The following ZDHHC15 variants were observed in gnomAD, a reference collection of about 807,000 sequenced individuals.
The protein encoded by ZDHHC15 is palmitoyltransferase ZDHHC15.
A neutral mutation model predicts 31.7 loss-of-function variants in ZDHHC15; 19 were observed. The ratio of observed to expected loss-of-function variants is 0.60; its 90% CI spans 0.42 to 0.88. ZDHHC15 has a LOEUF of 0.88. Among genes scored for constraint, ZDHHC15 ranks in the 40% least tolerant of loss-of-function variants. The pLI is 0.00. For synonymous variants in ZDHHC15, 103 were observed against 90.0 expected, an observed-to-expected ratio of 1.14 and a Z score of -0.82; for missense variants, 209 against 251.2, an observed-to-expected ratio of 0.83 and a Z score of 1.14.
At chrX:75,518,891 A>G (rs1331425811) in intron 1 of ZDHHC15, among the ~76,000 whole-genome samples, 1 of 101,518 alleles carries the variant, frequency 9.9e-6, no homozygotes, top group African/African-American at 3.6e-5. Context: ...TTACTGTTAC[A>G]TAATATAATG....
chrX:75,441,744 C>T (rs2083944286), intron 4 of ZDHHC15, among the ~76,000 whole-genome samples: 2 of 109,155 alleles, frequency 1.8e-5, no homozygotes, highest in East Asian at 5.8e-4. Context: ...CTGCCTTAGC[C>T]CCCCGAGTAG....
chrX:75,518,796 TATATATATATACACAC>T (rs1385446839), intron 1 of ZDHHC15, among the ~76,000 whole-genome samples: 17 of 26,815 alleles, frequency 6.3e-4, no homozygotes, highest in African/African-American at 8.7e-4. Context: ...TATATATATA[TATATATATATACACAC>T]ACACACACAC....
intron 3 of ZDHHC15, among the ~76,000 whole-genome samples, chrX:75,451,236 A>G (rs761456053): frequency 3.6e-5 from 4 of 111,991 alleles, no homozygotes; most frequent in African/African-American, 1.3e-4. Context: ...TGATTTCAAG[A>G]CTTGTCCCTT....
chrX:75,379,631 C>T (rs1425836648), intron 10 of ZDHHC15, among the ~76,000 whole-genome samples: 3 of 111,991 alleles, frequency 2.7e-5, no homozygotes, highest in Non-Finnish European at 5.6e-5. Context: ...AAATAAGAGG[C>T]TTTGGGATTA....
chrX:75,374,481 T>C (rs1161168509), intron 11 of ZDHHC15, among the ~76,000 whole-genome samples: 1 of 109,657 alleles, frequency 9.1e-6, no homozygotes. Flanking sequence ...GAAAAATGGT[T>C]CATTAAAAAA....
intron 10 of ZDHHC15, chrX:75,384,960 C>G: frequency 2.4e-6 from 1 of 423,600 alleles, no homozygotes; most frequent in East Asian, 3.9e-5. Flanking sequence ...TACATAAGGG[C>G]AATTTGGTAC....
At chrX:75,416,493 G>A (rs2083550295) in intron 10 of ZDHHC15, among the ~76,000 whole-genome samples, 1 of 112,008 alleles carries the variant, frequency 8.9e-6, no homozygotes, top group African/African-American at 3.2e-5. Context: ...TGGCAATGGG[G>A]ATACATTATA....
chrX:75,445,033 G>C (rs2084014172), intron 4 of ZDHHC15, among the ~76,000 whole-genome samples: 1 of 110,048 alleles, frequency 9.1e-6, no homozygotes, highest in African/African-American at 3.3e-5. Context: ...GCTCAAAGTA[G>C]GACTACACCA....
rs139199522 is a variant in ZDHHC15, at chrX:75,456,981, C to T, written c.259-6059G>A. ...AGAAATAGAGATAATAATATCATCC[C>T]CATAATTACTGTTAAATGTAAAGCA... On this transcript the variant is annotated intron_variant, in intron 3 of 11. Transcript: ENST00000373367. 8.0e-3 allele frequency among the ~76,000 whole-genome samples: 895 copies of T among 111,484 alleles called. 10 individuals carry two copies. The highest frequency in any genetic ancestry group is 0.027 in the African/African-American group (822 of 30,700).
chrX:75,464,370 C>T lies in ZDHHC15; in HGVS notation c.259-13448G>A, dbSNP rs776545822. Among the ~76,000 whole-genome samples the T allele has an allele frequency of 5.4e-5, 6 of 110,734 alleles. No homozygotes were observed. The South Asian group carries it at 1.9e-3, about 35-fold the overall frequency. ...TAATGGGTGCAGCACACCAACATGG[C>T]ACATGTATACATATGTAACAAACCT... On this transcript the variant is annotated intron_variant, in intron 3 of 11. Transcript: ENST00000373367.
chrX:75,517,604 G>A (rs1355275177), intron 1 of ZDHHC15, among the ~76,000 whole-genome samples: 1 of 76,021 alleles, frequency 1.3e-5, no homozygotes, highest in Non-Finnish European at 2.4e-5. Flanking sequence ...GGGGGAGGGG[G>A]GAGGGATAGC....
chrX:75,398,121 C>T, intron 10 of ZDHHC15, among the ~76,000 whole-genome samples: 1 of 112,224 alleles, frequency 8.9e-6, no homozygotes, highest in Middle Eastern at 4.6e-3. Context: ...TCCATGGCAC[C>T]TCACAAGATA....
chrX:75,461,912 T>C (rs1175520719), intron 3 of ZDHHC15, among the ~76,000 whole-genome samples: 1 of 111,498 alleles, frequency 9.0e-6, no homozygotes, highest in Non-Finnish European at 1.9e-5. Context: ...GATGACAGGA[T>C]CAAACTCACA....
chrX:75,386,377 T>G lies in ZDHHC15; in HGVS notation c.968-7179A>C, dbSNP rs1031441308. Reference sequence around the variant, plus strand: ...CTTTACTTGATAAAAATATGCCTTCTAGGATATATTCTATAAAAATTATCA... The same window carrying G: ...CTTTACTTGATAAAAATATGCCTTCGAGGATATATTCTATAAAAATTATCA... On this transcript the variant is annotated intron_variant, in intron 10 of 11. Coordinates refer to ENST00000373367, the MANE Select transcript of ZDHHC15 (RefSeq NM_144969.3). Among the ~76,000 whole-genome samples the G allele has an allele frequency of 5.3e-5, 6 of 112,218 alleles. No individual in the cohort carries two copies. The Admixed American group carries it at 5.7e-4, about 11-fold the overall frequency.
chrX:75,444,687 T>TATATATATACACACGC (rs2084007375), intron 4 of ZDHHC15, among the ~76,000 whole-genome samples: 1 of 29,496 alleles, frequency 3.4e-5, no homozygotes, highest in African/African-American at 1.6e-4. Flanking sequence ...TATATATATA[T>TATATATATACACACGC]ACACACACAC....
chrX:75,404,880 T>G (rs986262620), intron 10 of ZDHHC15, among the ~76,000 whole-genome samples: 50 of 111,800 alleles, frequency 4.5e-4, no homozygotes, highest in African/African-American at 1.6e-3. Flanking sequence ...TTACTGGGTA[T>G]ATACCCAGAG....
chrX:75,464,396 G>T (rs1026369486), intron 3 of ZDHHC15, among the ~76,000 whole-genome samples: 5 of 109,969 alleles, frequency 4.5e-5, no homozygotes, highest in African/African-American at 1.7e-4. Context: ...TAACAAACCT[G>T]CACGTTGTGC....
At chrX:75,491,969 A>G (rs979344308) in intron 2 of ZDHHC15, among the ~76,000 whole-genome samples, 1 of 111,832 alleles carries the variant, frequency 8.9e-6, no homozygotes, top group Non-Finnish European at 1.9e-5. Flanking sequence ...AATGGGCTAA[A>G]TGCTCCAATT....
chrX:75,398,258 C>T lies in ZDHHC15; in HGVS notation c.967+18829G>A, dbSNP rs756106310. Reference sequence around the variant, plus strand: ...CAGGTGCCTTAGCCGTTCCAGCCTTCAGGCTTTGAGAGTCTAGCTGACCTG... The same window carrying T: ...CAGGTGCCTTAGCCGTTCCAGCCTTTAGGCTTTGAGAGTCTAGCTGACCTG... On this transcript the variant is annotated intron_variant, in intron 10 of 11. Coordinates refer to ENST00000373367, the MANE Select transcript of ZDHHC15 (RefSeq NM_144969.3). Among the ~76,000 whole-genome samples the T allele has an allele frequency of 1.4e-4, 16 of 112,607 alleles. 1 individual carries two copies. The South Asian group carries it at 5.9e-3, about 41-fold the overall frequency.
Sources: gnomAD v4.1 joint callset for allele counts (sites outside exome capture counted in the v4.1 genomes callset) on GRCh38, gnomAD v4.1.1 for gene constraint, MANE v1.5 for transcripts, NCBI Gene and HGNC (gene_info 2026-07-23, HGNC 2026-07-21) for gene names.